EFHB: variants seen among roughly 807,000 people sequenced by gnomAD.
EFHB encodes the protein EF-hand domain-containing family member B.
Under a neutral mutation model 87.2 loss-of-function variants are expected in EFHB, and 91 were observed. The observed-to-expected ratio is 1.04, with a 90% confidence interval of 0.88 to 1.24. The LOEUF is 1.24. EFHB is among the 50% of genes most tolerant of loss of function. The probability of loss-of-function intolerance (pLI) is 0.00; values close to 1 mark genes in which losing one functional copy is unlikely to be tolerated. For missense variants in EFHB, 1,084 were observed against 998.8 expected, an observed-to-expected ratio of 1.09 and a Z score of -1.15; for synonymous variants, 325 against 333.6, an observed-to-expected ratio of 0.97 and a Z score of 0.28.
intron 9 of EFHB, chr3:19,895,007 T>TATATAA (rs1453175560): frequency 6.8e-6 from 1 of 147,108 alleles, no homozygotes; most frequent in Non-Finnish European, 1.5e-5. Flanking sequence ...TATGTATATA[T>TATATAA]AAAAATATAT....
chr3:19,901,624 A>G (rs1431406861), intron 6 of EFHB, among the ~76,000 whole-genome samples: 2 of 152,206 alleles, frequency 1.3e-5, no homozygotes, highest in African/African-American at 4.8e-5. Context: ...GTTTAGGGCT[A>G]TAACTTGAAC....
intron 1 of EFHB, among the ~76,000 whole-genome samples, chr3:19,930,188 C>T (rs1408653836): frequency 6.6e-6 from 1 of 152,146 alleles, no homozygotes; most frequent in East Asian, 1.9e-4. Context: ...GCATTTTCAT[C>T]CCTGTTTTCT....
intron 11 of EFHB, 109 bp downstream of exon 11, chr3:19,884,294 T>TACAAA: frequency 9.6e-7 from 1 of 1,043,038 alleles, no homozygotes; most frequent in Non-Finnish European, 1.4e-6. Context: ...AAATGCAAGG[T>TACAAA]ACAAAGCTTT....
At chr3:19,936,008 C>CAA (rs751728589), upstream of EFHB, 29,118 of 539,290 alleles carry the variant, frequency 0.054, 144 homozygotes, top group African/African-American at 0.093. Context: ...GACTCCATCT[C>CAA]AAAAAAAAAA....
At chr3:19,921,432 G>T (rs2125153534) in intron 1 of EFHB, among the ~76,000 whole-genome samples, 1 of 152,122 alleles carries the variant, frequency 6.6e-6, no homozygotes, top group Middle Eastern at 3.4e-3. Context: ...TCTTTGTAGT[G>T]TCTAATGTTT....
intron 1 of EFHB, among the ~76,000 whole-genome samples, chr3:19,929,232 T>A (rs1695741324): frequency 6.6e-6 from 1 of 150,984 alleles, no homozygotes; most frequent in South Asian, 2.1e-4. Flanking sequence ...AGAGACAAGG[T>A]CTCACTATGT....
chr3:19,939,572 G>A (rs1483565624), intron 1 of EFHB, among the ~76,000 whole-genome samples: 3 of 151,544 alleles, frequency 2.0e-5, no homozygotes, highest in South Asian at 2.1e-4. Flanking sequence ...TTTTAGTAGC[G>A]ATGGGGTTTC....
chr3:19,887,585 A>G (rs553888645), intron 10 of EFHB, among the ~76,000 whole-genome samples: 1 of 152,272 alleles, frequency 6.6e-6, no homozygotes, highest in South Asian at 2.1e-4. Context: ...CCTGGACCTC[A>G]CTGGAAGAAG....
In EFHB at chr3:19,884,433, TG is replaced by T. The variant is rs2071761793; in HGVS notation, c.2115del (p.Asn706MetfsTer4). On this transcript the variant is annotated frameshift_variant, in exon 11 of 13. Coordinates refer to ENST00000295824, the MANE Select transcript of EFHB (RefSeq NM_144715.4). LOFTEE classifies it high-confidence loss of function. ...GAAGGAATGGCTCCTACAATTGCAT[TG>T]ATCTCAGAAGAAGTTGTCTTATAGT... ...SNYYKTTSSE[I>X]NAIVGAIPST... The T allele has an allele frequency of 1.2e-6, 2 of 1,613,816 alleles. No individual in the cohort carries two copies. The highest frequency in any genetic ancestry group is 4.5e-5 in the East Asian group (2 of 44,856).
At chr3:19,936,367 A>G (rs1696022065), upstream of EFHB, 2 of 533,008 alleles carry the variant, frequency 3.8e-6, no homozygotes, top group South Asian at 2.5e-5. Flanking sequence ...AGTTCAAGAC[A>G]TGCATGGGTA....
At chr3:19,944,079 A>T (rs1482705849) in intron 1 of EFHB, among the ~76,000 whole-genome samples, 1 of 152,210 alleles carries the variant, frequency 6.6e-6, no homozygotes, top group African/African-American at 2.4e-5. Context: ...AAGTTTTCAC[A>T]GCCTTTTATT....
chr3:19,934,273 G>A, upstream of EFHB: 1 of 1,392,344 alleles, frequency 7.2e-7, no homozygotes, highest in Non-Finnish European at 9.3e-7. Flanking sequence ...GTCCTGCTTG[G>A]ACAGATCCCT....
At chr3:19,882,141 A>G (rs897054666) in intron 12 of EFHB, among the ~76,000 whole-genome samples, 1 of 152,188 alleles carries the variant, frequency 6.6e-6, no homozygotes, top group Non-Finnish European at 1.5e-5. Context: ...TGTCACAGAT[A>G]ATCTGAGACA....
Position 19,907,442 on chromosome 3 carries a change from T to G in EFHB, c.1289-1693A>C, listed in dbSNP as rs192564919. ...AACTGCAGGGTCTCCACCATTGTTA[T>G]GGAAATCCTGAAGATCAAGGGAGGT... On this transcript the variant is annotated intron_variant, in intron 5 of 12. Transcript: ENST00000295824. Among the ~76,000 whole-genome samples the G allele has an allele frequency of 1.5e-3, 230 of 152,324 alleles. 2 individuals carry two copies. Among genetic ancestry groups the G allele is most frequent in the African/African-American group, 4.9e-3 (204 of 41,584 alleles).
chr3:19,897,214 G>T (rs79467609), intron 8 of EFHB, among the ~76,000 whole-genome samples: 114 of 152,320 alleles, frequency 7.5e-4, no homozygotes, highest in African/African-American at 2.7e-3. Flanking sequence ...ATTCCAGGTG[G>T]GGACCACTCA....
At chr3:19,944,124 C>T (rs950666546) in intron 1 of EFHB, among the ~76,000 whole-genome samples, 5 of 152,106 alleles carry the variant, frequency 3.3e-5, no homozygotes, top group African/African-American at 7.2e-5. Context: ...TTAGAGTTAC[C>T]GTTGGTTTGT....
rs574334089 is a variant in EFHB at position 19,888,611 on chromosome 3, G to A, written c.1766C>T (p.Ala589Val). 6.2e-7 allele frequency: 1 copy of A among 1,607,114 alleles called. No individual in the cohort carries two copies. The highest frequency in any genetic ancestry group is 1.1e-5 in the South Asian group (1 of 89,280). The change falls in exon 10 of 13, where the codon GCT becomes GTT. Residue 589 changes from alanine to valine, a missense_variant. By Grantham distance (64) the Ala-to-Val change is moderately conservative (BLOSUM62 0). Coordinates refer to ENST00000295824, the MANE Select transcript of EFHB (RefSeq NM_144715.4). The part of the protein sequence containing the change: ...GMIDKDELQE[A>V]CDQANLSLDD... ...TAAACTCAAGTTGGCCTGGTCACAA[G>A]CTTCCTGCAGCTCGTCTTTATCTAT...
At position 19,933,635 on chromosome 3, in the gene EFHB, A is replaced by AT. The variant is rs747757978; in HGVS notation, c.383_384insA (p.Pro129SerfsTer21). 8 of 1,613,856 alleles carry AT rather than the reference A, an allele frequency of 5.0e-6. No homozygotes were observed. In the East Asian group the frequency reaches 1.8e-4, roughly 36 times the overall value. The stretch of plus-strand genomic sequence containing the variant: ...AACTTCCACACACCCTGCCCAAAGG[A>AT]GGCTGTATTATCCGTTCATGGGTAT... On this transcript the variant is annotated frameshift_variant, in exon 1 of 13. Coordinates refer to ENST00000295824, the MANE Select transcript of EFHB (RefSeq NM_144715.4). LOFTEE classifies it high-confidence loss of function.
At chr3:19,889,389 C>T (rs1694222118) in intron 9 of EFHB, among the ~76,000 whole-genome samples, 1 of 152,114 alleles carries the variant, frequency 6.6e-6, no homozygotes, top group South Asian at 2.1e-4. Context: ...GGCAAAGGTC[C>T]CAGTTTTCTT....
Sources: allele counts gnomAD v4.1 joint callset (sites outside exome capture counted in the v4.1 genomes callset), GRCh38; gene constraint gnomAD v4.1.1; transcripts MANE v1.5; gene names NCBI Gene and HGNC (gene_info 2026-07-23, HGNC 2026-07-21).